The following TMCO6 variants were observed in gnomAD, a reference collection of about 807,000 sequenced individuals.
TMCO6 encodes transmembrane and coiled-coil domains 6.
Under a neutral mutation model 61.8 loss-of-function variants are expected in TMCO6, and 47 were observed. The ratio of observed to expected loss-of-function variants is 0.76; its 90% CI spans 0.60 to 0.97. The LOEUF (loss-of-function observed/expected upper bound fraction) is 0.97. Ranked by LOEUF, TMCO6 falls within the 50% of genes least tolerant of loss-of-function variation. The pLI, the probability that TMCO6 is intolerant of heterozygous loss-of-function variation, is 0.00. For missense variants in TMCO6, 557 were observed against 601.6 expected (o/e 0.93, Z 0.78); for synonymous variants, 261 against 254.2 (o/e 1.03, Z -0.25).
At chr5:140,638,109 G>T (rs1162342540), upstream of TMCO6, among the ~76,000 whole-genome samples, 1 of 152,174 alleles carries the variant, frequency 6.6e-6, no homozygotes, top group African/African-American at 2.4e-5. Flanking sequence ...GCTCAGAGGG[G>T]TGTCTGCTTG....
In TMCO6 at chr5:140,642,627, G is replaced by C. The variant is rs201116062; in HGVS notation, c.645G>C (p.Leu215Phe). 6.3e-4 allele frequency: 1,020 copies of C among 1,614,218 alleles called. No individual in the cohort carries two copies. Among genetic ancestry groups the C allele is most frequent in the Non-Finnish European group, 7.9e-4 (938 of 1,180,038 alleles). ...VAVLEALGYA[L>F]SQLLQAEEAP... Reference sequence around the variant, plus strand: ...TGCTGGAAGCTCTCGGATATGCCTTGTCCCAGCTTCTACAGGCTGAGGAAG... The same window carrying C: ...TGCTGGAAGCTCTCGGATATGCCTTCTCCCAGCTTCTACAGGCTGAGGAAG... The change falls in exon 6 of 12, where the codon TTG (leucine) becomes TTC (phenylalanine). Residue 215 changes from leucine to phenylalanine, a missense_variant. Coordinates refer to ENST00000394671, the MANE Select transcript of TMCO6 (RefSeq NM_018502.5).
the TMCO6 span, among the ~76,000 whole-genome samples, chr5:140,599,796 G>T: frequency 6.6e-6 from 1 of 152,148 alleles, no homozygotes; most frequent in Non-Finnish European, 1.5e-5. Context: ...AGCTAGTCGG[G>T]AGGCTGAGGC....
the TMCO6 span, among the ~76,000 whole-genome samples, chr5:140,630,479 CG>C: frequency 6.6e-6 from 1 of 152,076 alleles, no homozygotes; most frequent in African/African-American, 2.4e-5. Context: ...TGTGTTCCCC[CG>C]ACCCCCACTG....
chr5:140,603,130 A>G, the TMCO6 span, among the ~76,000 whole-genome samples: 2 of 152,038 alleles, frequency 1.3e-5, no homozygotes, highest in Non-Finnish European at 2.9e-5. Flanking sequence ...TGCCCAAAAC[A>G]CATGCCATAC....
upstream of TMCO6, among the ~76,000 whole-genome samples, chr5:140,637,475 T>C (rs780541745): frequency 1.3e-5 from 2 of 152,146 alleles, no homozygotes; most frequent in African/African-American, 2.4e-5. Context: ...GTGGTGAACA[T>C]TCTGTAAAGC....
chr5:140,612,260 C>T, the TMCO6 span, among the ~76,000 whole-genome samples: 63 of 152,238 alleles, frequency 4.1e-4, no homozygotes, highest in African/African-American at 1.4e-3. Flanking sequence ...GTCCATTTCC[C>T]GCTCCTTGCC....
At chr5:140,597,331 T>A in the TMCO6 span, among the ~76,000 whole-genome samples, 1 of 152,124 alleles carries the variant, frequency 6.6e-6, no homozygotes, top group African/African-American at 2.4e-5. Context: ...TTGAGGTAGA[T>A]GTAATATGAA....
In TMCO6 at chr5:140,645,356, C is replaced by T; in HGVS notation, c.*258C>T. 1 of 758,380 alleles carries T rather than the reference C, an allele frequency of 1.3e-6. No individual in the cohort carries two copies. The highest frequency in any genetic ancestry group is 2.3e-6 in the Non-Finnish European group (1 of 440,070). The allele number at this position is 758,380 out of a possible 1,614,324, so 47.0% of individuals were successfully genotyped here. ...CCGCCACCCTTCATGTTTGCTTCAG[C>T]AGCTGGTAGCTTTTGATGAGACAGA... On this transcript the variant is annotated 3_prime_UTR_variant, in exon 12 of 12. Coordinates refer to ENST00000394671, the MANE Select transcript of TMCO6 (RefSeq NM_018502.5).
chr5:140,620,544 G>T, the TMCO6 span, among the ~76,000 whole-genome samples: 1 of 152,198 alleles, frequency 6.6e-6, no homozygotes, highest in African/African-American at 2.4e-5. Context: ...ATAATGATGT[G>T]TCAGTGTAGG....
the TMCO6 span, among the ~76,000 whole-genome samples, chr5:140,611,690 T>C: frequency 2.6e-5 from 4 of 152,194 alleles, no homozygotes; most frequent in African/African-American, 9.7e-5. Context: ...GGTTTGCTAG[T>C]GTTTTGTTGA....
At chr5:140,604,603 G>A in the TMCO6 span, among the ~76,000 whole-genome samples, 1 of 151,408 alleles carries the variant, frequency 6.6e-6, no homozygotes, top group Admixed American at 6.6e-5. Flanking sequence ...ACTTTTTTTT[G>A]TTGCTCATGC....
the TMCO6 span, among the ~76,000 whole-genome samples, chr5:140,623,331 A>C: frequency 6.6e-6 from 1 of 152,162 alleles, no homozygotes; most frequent in Non-Finnish European, 1.5e-5. Context: ...GAAATGATGT[A>C]ATGCATGTCT....
At chr5:140,606,011 G>A in the TMCO6 span, among the ~76,000 whole-genome samples, 1 of 151,886 alleles carries the variant, frequency 6.6e-6, no homozygotes, top group Non-Finnish European at 1.5e-5. Context: ...TCTTTCAATC[G>A]TTTTAATTTC....
At chr5:140,613,884 GT>G in the TMCO6 span, among the ~76,000 whole-genome samples, 3 of 149,168 alleles carry the variant, frequency 2.0e-5, no homozygotes, top group Admixed American at 6.7e-5. Flanking sequence ...ATCTCTCATC[GT>G]TTTTTTTTGT....
intron 8 of TMCO6, 44 bp from the exon 9 acceptor site, chr5:140,643,736 A>G (rs1435593714): frequency 6.2e-7 from 1 of 1,607,794 alleles, no homozygotes; most frequent in Non-Finnish European, 8.5e-7. Flanking sequence ...GAATGCAGGT[A>G]ACCTCTTCCT....
At chr5:140,647,155 T>C, downstream of TMCO6, 15 of 1,278,344 alleles carry the variant, frequency 1.2e-5, no homozygotes, top group South Asian at 4.6e-5. Flanking sequence ...GTCCGAGTTC[T>C]AGTTTCTCCA....
chr5:140,647,703 G>C, downstream of TMCO6: 1 of 1,407,456 alleles, frequency 7.1e-7, no homozygotes, highest in Non-Finnish European at 9.8e-7. Context: ...GTAAAGCTTG[G>C]CCAATGATAT....
the TMCO6 span, among the ~76,000 whole-genome samples, chr5:140,602,614 AT>A: frequency 1.3e-5 from 2 of 151,792 alleles, no homozygotes; most frequent in Non-Finnish European, 2.9e-5. Flanking sequence ...AATACAAAAA[AT>A]TAGCCAGGCG....
chr5:140,629,771 G>A, the TMCO6 span, among the ~76,000 whole-genome samples: 11 of 151,678 alleles, frequency 7.3e-5, no homozygotes, highest in South Asian at 2.1e-4. Flanking sequence ...CTGTCTCTAC[G>A]AAAAATACAA....
Sources: gnomAD v4.1 joint callset for allele counts (sites outside exome capture counted in the v4.1 genomes callset) on GRCh38, gnomAD v4.1.1 for gene constraint, MANE v1.5 for transcripts, NCBI Gene and HGNC (gene_info 2026-07-23, HGNC 2026-07-21) for gene names.